WFDC8: variants seen among roughly 807,000 people sequenced by gnomAD.
WFDC8 encodes WAP four-disulfide core domain protein 8.
WFDC8 carries 24 observed loss-of-function variants against 27.0 expected under a neutral mutation model. The observed-to-expected ratio is 0.89, with a 90% CI of 0.64 to 1.25. The LOEUF is 1.25. Among genes scored for constraint, WFDC8 ranks in the 50% most tolerant of loss-of-function variants. The pLI is 0.00. For missense variants in WFDC8, 287 were observed against 295.9 expected, an observed-to-expected ratio of 0.97 and a Z score of 0.22; for synonymous variants, 106 against 99.7, an observed-to-expected ratio of 1.06 and a Z score of -0.38.
At position 45,568,635 on chromosome 20, in the gene WFDC8, C is replaced by T. The variant is rs1023084651; in HGVS notation, c.27-6416G>A. On this transcript the variant is annotated intron_variant, in intron 1 of 5. Transcript: ENST00000289953. Reference sequence around the variant, plus strand: ...GAATTCAGTGCGGACAATATCTAGCCTTCCAGAAAGTGTACTGTTGCAGGC... The same window carrying T: ...GAATTCAGTGCGGACAATATCTAGCTTTCCAGAAAGTGTACTGTTGCAGGC... 28 of 535,110 alleles carry T rather than the reference C, an allele frequency of 5.2e-5. No individual in the cohort carries two copies. In the African/African-American group the frequency reaches 5.4e-4, roughly 10 times the overall value. The allele number at this position is 535,110 out of a possible 1,614,324, so 33.1% of individuals were successfully genotyped here.
chr20:45,554,935 C>T (rs542016747), intron 4 of WFDC8, among the ~76,000 whole-genome samples: 12 of 152,294 alleles, frequency 7.9e-5, no homozygotes, highest in Admixed American at 1.3e-4. Context: ...GAAATTGCAA[C>T]GCTGCCTCAT....
At chr20:45,554,558 T>C (rs1568993398) in intron 4 of WFDC8, among the ~76,000 whole-genome samples, 1 of 152,220 alleles carries the variant, frequency 6.6e-6, no homozygotes, top group Non-Finnish European at 1.5e-5. Context: ...TATGATGTGT[T>C]GAACTCTCAG....
At chr20:45,569,670 T>C (rs1980802077) in intron 1 of WFDC8, among the ~76,000 whole-genome samples, 1 of 152,202 alleles carries the variant, frequency 6.6e-6, no homozygotes, top group African/African-American at 2.4e-5. Flanking sequence ...TTGTAAATTG[T>C]GCAAGGAAGG....
intron 1 of WFDC8, among the ~76,000 whole-genome samples, chr20:45,574,588 C>T (rs920722874): frequency 3.3e-5 from 5 of 152,068 alleles, no homozygotes; most frequent in East Asian, 3.8e-4. Flanking sequence ...TAAGGCTAGG[C>T]GTTCGAGACC....
chr20:45,553,456 A>C (rs1980121365), intron 4 of WFDC8, among the ~76,000 whole-genome samples, 180 bp from the exon 5 acceptor site: 1 of 152,200 alleles, frequency 6.6e-6, no homozygotes, highest in African/African-American at 2.4e-5. Context: ...GATATGGTAG[A>C]GAGCATGCTG....
At chr20:45,556,832 T>C (rs1980274906) in intron 3 of WFDC8, among the ~76,000 whole-genome samples, 1 of 152,146 alleles carries the variant, frequency 6.6e-6, no homozygotes, top group Middle Eastern at 3.2e-3. Context: ...GAAAAGTGGA[T>C]TTTACACGAC....
intron 1 of WFDC8, among the ~76,000 whole-genome samples, chr20:45,569,648 T>C (rs888265118): frequency 1.3e-5 from 2 of 152,208 alleles, no homozygotes; most frequent in Non-Finnish European, 2.9e-5. Context: ...TTAATCCATC[T>C]TGAGTTAATT....
At chr20:45,561,995 GC>G in intron 2 of WFDC8, 114 bp downstream of exon 2, 2 of 916,334 alleles carry the variant, frequency 2.2e-6, no homozygotes, top group Non-Finnish European at 3.4e-6. Context: ...GCTTTCTGTG[GC>G]CCCAAATCCA....
intron 2 of WFDC8, 36 bp from the exon 3 acceptor site, chr20:45,559,028 G>A (rs372289466): frequency 3.3e-5 from 53 of 1,610,484 alleles, no homozygotes; most frequent in Admixed American, 1.7e-4. Context: ...ACATTCTTTC[G>A]GAATTTCAGC....
intron 3 of WFDC8, among the ~76,000 whole-genome samples, chr20:45,557,005 A>G (rs1980283038): frequency 6.6e-6 from 1 of 152,200 alleles, no homozygotes; most frequent in African/African-American, 2.4e-5. Flanking sequence ...ACATCTGAGA[A>G]GTATGCTTAG....
At position 45,555,721 on chromosome 20, in the gene WFDC8, C is replaced by T. The variant is rs1980216797; in HGVS notation, c.425G>A (p.Arg142Lys). ...ANNFLNEDAC[R>K]TACMLIVKDG... is the part of the protein sequence containing the mutation. ...CTCACCAATTAACATGCAGGCCGTT[C>T]TGCAGGCATCCTCATTTAAGAAGTT... Residue 142 changes from arginine (R) to lysine (K), a missense_variant, in exon 4 of 6, where the codon AGA (arginine) becomes AAA (lysine). Arg to Lys is a conservative substitution (Grantham distance 26). Coordinates refer to ENST00000289953, the MANE Select transcript of WFDC8 (RefSeq NM_130896.3). The T allele has an allele frequency of 6.2e-7, 1 of 1,612,474 alleles. No homozygotes were observed. The highest frequency in any genetic ancestry group is 1.7e-5 in the Admixed American group (1 of 60,004).
intron 4 of WFDC8, among the ~76,000 whole-genome samples, chr20:45,553,771 T>C (rs12479931): frequency 0.39 from 58,732 of 151,974 alleles, 11,833 homozygotes; most frequent in Non-Finnish European, 0.43. Context: ...AAGATGGCTC[T>C]TCAGATCAGG....
intron 3 of WFDC8, among the ~76,000 whole-genome samples, chr20:45,558,427 A>G (rs527912977): frequency 6.6e-6 from 1 of 152,246 alleles, no homozygotes; most frequent in East Asian, 1.9e-4. Context: ...GTGAGTGAAT[A>G]AATGAATCTT....
At chr20:45,565,685 C>T (rs920194536) in intron 1 of WFDC8, among the ~76,000 whole-genome samples, 1 of 152,090 alleles carries the variant, frequency 6.6e-6, no homozygotes, top group Non-Finnish European at 1.5e-5. Context: ...GGGTCAGCAC[C>T]GGTTTCATTC....
At chr20:45,562,579 G>A (rs1980513053) in intron 1 of WFDC8, among the ~76,000 whole-genome samples, 1 of 152,210 alleles carries the variant, frequency 6.6e-6, no homozygotes, top group African/African-American at 2.4e-5. Context: ...GGCAACCCCA[G>A]ACACTAGTGA....
intron 1 of WFDC8, among the ~76,000 whole-genome samples, chr20:45,574,508 T>C (rs537176905): frequency 1.0e-3 from 155 of 151,660 alleles, no homozygotes; most frequent in African/African-American, 3.7e-3. Context: ...AAAAGGATCA[T>C]TCACAGCCAA....
intron 1 of WFDC8, among the ~76,000 whole-genome samples, chr20:45,578,758 T>G (rs1467095710): frequency 1.3e-5 from 2 of 152,236 alleles, no homozygotes; most frequent in Non-Finnish European, 2.9e-5. Flanking sequence ...TTTTAATTTT[T>G]TGAAAATGTT....
chr20:45,560,240 G>A (rs935662996), intron 2 of WFDC8, among the ~76,000 whole-genome samples: 1 of 152,256 alleles, frequency 6.6e-6, no homozygotes, highest in South Asian at 2.1e-4. Flanking sequence ...GAATAAGGGT[G>A]GCATCTAGAA....
intron 3 of WFDC8, among the ~76,000 whole-genome samples, chr20:45,558,476 T>C (rs571102953): frequency 3.3e-4 from 50 of 152,360 alleles, no homozygotes; most frequent in African/African-American, 1.2e-3. Flanking sequence ...ATTAGATAGA[T>C]GCCCAATACA....
Sources: allele counts gnomAD v4.1 joint callset (sites outside exome capture counted in the v4.1 genomes callset), GRCh38; gene constraint gnomAD v4.1.1; transcripts MANE v1.5; gene names NCBI Gene and HGNC (gene_info 2026-07-23, HGNC 2026-07-21).